Variants in UTY observed in about 807,000 individuals in gnomAD.
UTY encodes the protein ubiquitously transcribed tetratricopeptide repeat containing, Y-linked, also known as histone demethylase UTY.
UTY carries 12 observed loss-of-function variants against 32.5 expected under a neutral mutation model. The observed-to-expected ratio is 0.37, with a 90% confidence interval of 0.24 to 0.60. UTY has a LOEUF of 0.60. UTY is among the 20% of genes least tolerant of loss of function. UTY has a pLI of 0.69. For synonymous variants in UTY, 131 were observed against 103.4 expected (o/e 1.27, Z -1.62); for missense variants, 303 against 299.2 (o/e 1.01, Z -0.09).
chrY:13,455,511 G>A (rs2076731236), intron 3 of UTY, among the ~76,000 whole-genome samples: 1 of 33,234 alleles, frequency 3.0e-5, no homozygotes, highest in Admixed American at 2.7e-4. Context: ...GACATGAGAT[G>A]CTGATTCACA....
chrY:13,309,345 C>T (rs2148816216), intron 21 of UTY, among the ~76,000 whole-genome samples: 1 of 33,416 alleles, frequency 3.0e-5, no homozygotes, highest in East Asian at 7.8e-4. Flanking sequence ...AATCCCAGCA[C>T]CTTGGGAGGC....
At position 13,433,466 on chromosome Y, in the gene UTY, T is replaced by C. The variant is rs1603461263; in HGVS notation, c.375+15551A>G. 2.4e-4 allele frequency among the ~76,000 whole-genome samples: 8 copies of C among 33,591 alleles called. No individual in the cohort carries two copies. The East Asian group carries it at 6.3e-3, about 26-fold the overall frequency. The allele number at this position is 33,591 out of a possible 37,273, so 90.1% of individuals were successfully genotyped here. The stretch of plus-strand genomic sequence containing the variant: ...GGACAACAAAAAGTGACAAAATTTA[T>C]GGACCACTGCTATCTACGAGCAGAG... On this transcript the variant is annotated intron_variant, in intron 4 of 29. Coordinates refer to ENST00000545955, the MANE Select transcript of UTY (RefSeq NM_001258249.2).
intron 24 of UTY, among the ~76,000 whole-genome samples, chrY:13,303,497 T>C (rs973976039): frequency 1.8e-4 from 6 of 33,937 alleles, no homozygotes; most frequent in Non-Finnish European, 2.9e-4. Context: ...AAAGATCATA[T>C]CAGAATATGA....
chrY:13,267,328 T>C (rs2055901676), intron 27 of UTY, among the ~76,000 whole-genome samples: 3 of 33,076 alleles, frequency 9.1e-5, no homozygotes. Context: ...TATCAGAGAC[T>C]AGGATTGCAA....
chrY:13,324,436 G>A (rs2032667), intron 20 of UTY, among the ~76,000 whole-genome samples, 165 bp downstream of exon 20: 322 of 33,225 alleles, frequency 9.7e-3, no homozygotes, highest in South Asian at 0.039. Flanking sequence ...CAGTGCTAAA[G>A]ATGCTTGCTC....
chrY:13,269,475 T>C, intron 27 of UTY, among the ~76,000 whole-genome samples: 4 of 31,042 alleles, frequency 1.3e-4, no homozygotes. Context: ...ACGACTTGAC[T>C]CCCTGGCTTC....
At chrY:13,399,497 C>T (rs2068685828) in intron 6 of UTY, among the ~76,000 whole-genome samples, 1 of 32,909 alleles carries the variant, frequency 3.0e-5, no homozygotes, top group Admixed American at 2.8e-4. Context: ...GTAATTAATG[C>T]CACTGAAATG....
chrY:13,271,204 C>A, intron 27 of UTY, among the ~76,000 whole-genome samples: 1 of 33,422 alleles, frequency 3.0e-5, no homozygotes, highest in African/African-American at 1.2e-4. Flanking sequence ...GCAAAGACAA[C>A]AGGCTAGAGA....
At chrY:13,322,053 A>C in intron 21 of UTY, among the ~76,000 whole-genome samples, 1 of 33,425 alleles carries the variant, frequency 3.0e-5, no homozygotes, top group Non-Finnish European at 7.4e-5. Context: ...TACTATTTTC[A>C]CAGCAGAATC....
chrY:13,437,611 C>T, intron 4 of UTY, among the ~76,000 whole-genome samples: 1 of 33,555 alleles, frequency 3.0e-5, no homozygotes, highest in Admixed American at 2.7e-4. Context: ...CCAAACAACC[C>T]TGATCATTTA....
downstream of UTY, among the ~76,000 whole-genome samples, chrY:13,243,608 C>T (rs2053925435): frequency 3.0e-5 from 1 of 33,342 alleles, no homozygotes; most frequent in Non-Finnish European, 7.4e-5. Context: ...TCATACAACT[C>T]ATTTATAAAA....
Position 13,411,076 on chromosome Y carries a change from G to T in UTY, c.472C>A (p.Pro158Thr). The T allele has an allele frequency of 2.5e-6, 1 of 395,639 alleles. No individual in the cohort carries two copies. The highest frequency in any genetic ancestry group is 3.5e-6 in the Non-Finnish European group (1 of 282,066). ...ATTTCCTTGGCTCGACAAAAGCTGG[G>T]GTCAACATAAAGGACATCTTGAAAT... ...KAFQDVLYVD[P>T]SFCRAKEIHL... is the part of the protein sequence containing the mutation. Residue 158 changes from proline (P) to threonine (T), a missense_variant, in exon 6 of 30, where the codon CCC (proline) becomes ACC (threonine). Pro to Thr is a conservative substitution (Grantham distance 38, BLOSUM62 -1). Transcript: ENST00000545955.
chrY:13,355,910 A>T lies in UTY; in HGVS notation c.1665+13T>A. 2.8e-6 allele frequency: 1 copy of T among 363,125 alleles called. No homozygotes were observed. The allele number at this position is 363,125 out of a possible 400,897, so 90.6% of individuals were successfully genotyped here. Reference sequence around the variant, plus strand: ...TTGGTAAATTTTAGAGAAAATAAAAATATTATACATACTTGCTGCATTAAG... The same window carrying T: ...TTGGTAAATTTTAGAGAAAATAAAATTATTATACATACTTGCTGCATTAAG... On this transcript the variant is annotated intron_variant, in intron 16 of 29. Coordinates refer to ENST00000545955, the MANE Select transcript of UTY (RefSeq NM_001258249.2).
At chrY:13,303,453 A>T in intron 24 of UTY, among the ~76,000 whole-genome samples, 1 of 33,915 alleles carries the variant, frequency 2.9e-5, no homozygotes, top group Non-Finnish European at 7.4e-5. Flanking sequence ...TTAGCTTATG[A>T]TCTATCAGCA....
rs1603462300 is a variant in UTY, at chrY:13,437,043, C to A, written c.375+11974G>T. Among the ~76,000 whole-genome samples the A allele has an allele frequency of 1.6e-4, 5 of 31,885 alleles. No individual in the cohort carries two copies. In the East Asian group the frequency reaches 2.5e-3, roughly 16 times the overall value. 85.5% of individuals were successfully genotyped at this position (31,885 alleles called of 37,273 possible). Reference sequence around the variant, plus strand: ...TTTGGAGAAGCTAGAGAATCCTTCTCCATATGCCCTTCTCTACCCATCCTT... The same window carrying A: ...TTTGGAGAAGCTAGAGAATCCTTCTACATATGCCCTTCTCTACCCATCCTT... On this transcript the variant is annotated intron_variant, in intron 4 of 29. Coordinates refer to ENST00000545955, the MANE Select transcript of UTY (RefSeq NM_001258249.2).
chrY:13,348,155 T>C, intron 17 of UTY, among the ~76,000 whole-genome samples: 9 of 33,719 alleles, frequency 2.7e-4, no homozygotes. Context: ...TAATTTAGAA[T>C]ATATAATATT....
At chrY:13,293,444 G>C (rs775045024) in intron 27 of UTY, among the ~76,000 whole-genome samples, 10 of 32,737 alleles carry the variant, frequency 3.1e-4, no homozygotes, top group Admixed American at 5.6e-4. Context: ...TTCCCAAGTA[G>C]AGTAGCTGAG....
intron 4 of UTY, among the ~76,000 whole-genome samples, chrY:13,432,840 G>C (rs764440434): frequency 3.0e-5 from 1 of 33,008 alleles, no homozygotes; most frequent in African/African-American, 1.2e-4. Context: ...GTATACCAAG[G>C]AAACCACAGG....
intron 17 of UTY, among the ~76,000 whole-genome samples, chrY:13,346,682 A>C (rs769995964): frequency 1.5e-4 from 5 of 33,725 alleles, no homozygotes; most frequent in Middle Eastern, 0.014. Context: ...AGGGAGGGGC[A>C]ACGACTTGCC....
Sources: allele counts gnomAD v4.1 joint callset (sites outside exome capture counted in the v4.1 genomes callset), GRCh38; gene constraint gnomAD v4.1.1; transcripts MANE v1.5; gene names NCBI Gene and HGNC (gene_info 2026-07-23, HGNC 2026-07-21).